The following ADSS1 variants were observed in gnomAD, a reference collection of about 807,000 sequenced individuals.
The protein encoded by ADSS1 is adenylosuccinate synthetase isozyme 1.
A neutral mutation model predicts 59.1 loss-of-function variants in ADSS1; 57 were observed. The ratio of observed to expected loss-of-function variants is 0.97; its 90% CI spans 0.78 to 1.20. The LOEUF (loss-of-function observed/expected upper bound fraction) is 1.20, where lower values mean the gene tolerates loss of function less well. ADSS1 is among the 50% of genes most tolerant of loss of function. ADSS1 has a pLI of 0.00. For synonymous variants in ADSS1, 247 were observed against 249.4 expected (o/e 0.99, Z 0.09); for missense variants, 603 against 610.3 (o/e 0.99, Z 0.13).
chr14:104,734,537 G>A (rs1321793930), intron 1 of ADSS1, among the ~76,000 whole-genome samples: 2 of 152,262 alleles, frequency 1.3e-5, no homozygotes. Flanking sequence ...GCCTGTGGCT[G>A]GGTGTTTCCC....
rs1419299401 is a variant in ADSS1 at position 104,724,506 on chromosome 14, C to T, written c.192+44C>T. 10 of 1,133,224 alleles carry T rather than the reference C, an allele frequency of 8.8e-6. No individual in the cohort carries two copies. The Admixed American group carries it at 2.8e-4, about 31-fold the overall frequency. 70.2% of individuals were successfully genotyped at this position (1,133,224 alleles called of 1,614,324 possible). Reference sequence around the variant, plus strand: ...GGTCCCTCCCCCACCGCCCAGCGAGCCCCCCTCCCCCGACCCAGACGGCCC... The same window carrying T: ...GGTCCCTCCCCCACCGCCCAGCGAGTCCCCCTCCCCCGACCCAGACGGCCC... On this transcript the variant is annotated intron_variant, in intron 1 of 12. Coordinates refer to ENST00000330877, the MANE Select transcript of ADSS1 (RefSeq NM_152328.5).
intron 12 of ADSS1, 29 bp from the exon 13 acceptor site, chr14:104,746,922 T>C: frequency 6.2e-7 from 1 of 1,613,124 alleles, no homozygotes; most frequent in Non-Finnish European, 8.5e-7. Flanking sequence ...CTCCAGTGTG[T>C]ATCATAACAG....
chr14:104,739,424 C>T (rs193181422), intron 4 of ADSS1, 46 bp downstream of exon 4: 2 of 1,572,506 alleles, frequency 1.3e-6, no homozygotes. Context: ...CCTGCCCCCA[C>T]CATTGCCAGC....
At position 104,738,359 on chromosome 14, in the gene ADSS1, CTCTGTCTCTCATGCA is replaced by C; in HGVS notation, c.296-16_296-2del. ...TGGGACACAACTCTGTCTCTCATGC[CTCTGTCTCTCATGCA>C]GGCAACGGGGTGGTCATCCACTTGC... On this transcript the variant is annotated splice_acceptor_variant and splice_polypyrimidine_tract_variant and intron_variant, in intron 2 of 12. Coordinates refer to ENST00000330877, the MANE Select transcript of ADSS1 (RefSeq NM_152328.5). LOFTEE classifies it high-confidence loss of function. The C allele has an allele frequency of 6.2e-7, 1 of 1,613,622 alleles. No homozygotes were observed. Among genetic ancestry groups the C allele is most frequent in the Non-Finnish European group, 8.5e-7 (1 of 1,179,656 alleles).
At chr14:104,733,501 G>A (rs1363426826) in intron 1 of ADSS1, among the ~76,000 whole-genome samples, 1 of 152,236 alleles carries the variant, frequency 6.6e-6, no homozygotes, top group Non-Finnish European at 1.5e-5. Flanking sequence ...TGCATCGTGA[G>A]GAGCTAGTGC....
chr14:104,743,169 C>T lies in ADSS1; in HGVS notation c.1051C>T (p.His351Tyr), dbSNP rs776691292. The T allele has an allele frequency of 6.2e-6, 10 of 1,611,894 alleles. No homozygotes were observed. Among genetic ancestry groups the T allele is most frequent in the East Asian group, 2.2e-5 (1 of 44,888 alleles). Residue 351 changes from histidine to tyrosine, a missense_variant, in exon 10 of 13, where the codon CAC (histidine) becomes TAC (tyrosine). Transcript: ENST00000330877. Reference sequence around the variant, plus strand: ...CGACCTGATGATTCTAAGATATGCTCACATGGTCAACGGATTCACTGCGTA... The same window carrying T: ...CGACCTGATGATTCTAAGATATGCTTACATGGTCAACGGATTCACTGCGTA... The part of the protein sequence containing the change: ...WLDLMILRYA[H>Y]MVNGFTALAL...
Position 104,733,420 on chromosome 14 carries a change from GC to G in ADSS1, c.193-1593del, listed in dbSNP as rs568124815. Among the ~76,000 whole-genome samples, 29 of 152,244 alleles carry G rather than the reference GC, an allele frequency of 1.9e-4. No individual in the cohort carries two copies. The South Asian group carries it at 5.4e-3, about 28-fold the overall frequency. On this transcript the variant is annotated intron_variant, in intron 1 of 12. Coordinates refer to ENST00000330877, the MANE Select transcript of ADSS1 (RefSeq NM_152328.5). ...CCCCCTGCCTGGCATCTCTGGATCT[GC>G]CCCCCCTCTGTCCCCAGGGTTGCCC...
chr14:104,731,558 G>A (rs1300378767), intron 1 of ADSS1, among the ~76,000 whole-genome samples: 1 of 152,234 alleles, frequency 6.6e-6, no homozygotes, highest in Non-Finnish European at 1.5e-5. Context: ...GGATGGATGT[G>A]CCCATGGCCT....
intron 10 of ADSS1, 66 bp from the exon 11 acceptor site, chr14:104,744,746 A>C: frequency 6.6e-7 from 1 of 1,506,096 alleles, no homozygotes; most frequent in South Asian, 1.1e-5. Flanking sequence ...GGTCAAAAGC[A>C]AGCGGAAGAA....
In ADSS1 at chr14:104,734,924, C is replaced by T. The variant is rs1891060846; in HGVS notation, c.193-96C>T. 2.9e-6 allele frequency: 3 copies of T among 1,026,516 alleles called. No individual in the cohort carries two copies. In the South Asian group the frequency reaches 4.3e-5, roughly 15 times the overall value. The allele number at this position is 1,026,516 out of a possible 1,614,324, so 63.6% of individuals were successfully genotyped here. On this transcript the variant is annotated intron_variant, in intron 1 of 12. Transcript: ENST00000330877. ...GACACCCCAAAATCCAACAGCAGTG[C>T]CCTGCAGGGACAGACGAAGCCCCAT...
In ADSS1 at chr14:104,743,172, A is replaced by G. The variant is rs759674422; in HGVS notation, c.1054A>G (p.Met352Val). 2.4e-5 allele frequency: 39 copies of G among 1,611,618 alleles called. No homozygotes were observed. The highest frequency in any genetic ancestry group is 6.7e-5 in the Admixed American group (4 of 60,004). ...LDLMILRYAH[M>V]VNGFTALALT... Reference sequence around the variant, plus strand: ...CCTGATGATTCTAAGATATGCTCACATGGTCAACGGATTCACTGCGTAAGC... The same window carrying G: ...CCTGATGATTCTAAGATATGCTCACGTGGTCAACGGATTCACTGCGTAAGC... The change falls in exon 10 of 13, where the codon ATG becomes GTG. Residue 352 changes from methionine (M) to valine (V), a missense_variant. By Grantham distance (21) the Met-to-Val change is conservative. Transcript: ENST00000330877.
chr14:104,733,926 G>A (rs549810186), intron 1 of ADSS1, among the ~76,000 whole-genome samples: 1 of 152,238 alleles, frequency 6.6e-6, no homozygotes, highest in Non-Finnish European at 1.5e-5. Context: ...CAGAAGTGGG[G>A]CTGGAGACCT....
At chr14:104,730,290 T>A in intron 1 of ADSS1, 1 of 1,377,784 alleles carries the variant, frequency 7.3e-7, no homozygotes, top group East Asian at 2.6e-5. Flanking sequence ...GGTCAGGAGT[T>A]CAAGACCAGC....
At chr14:104,739,932 G>A in intron 5 of ADSS1, 116 bp downstream of exon 5, 4 of 1,124,098 alleles carry the variant, frequency 3.6e-6, no homozygotes, top group Non-Finnish European at 3.9e-6. Flanking sequence ...CCCACTCAAA[G>A]CCCCTGGAGA....
intron 3 of ADSS1, 87 bp from the exon 4 acceptor site, chr14:104,739,241 G>A (rs961506685): frequency 2.2e-5 from 31 of 1,433,368 alleles, no homozygotes; most frequent in South Asian, 3.7e-5. Context: ...GATGGGAGCC[G>A]GGCGAGCTAG....
chr14:104,727,164 C>T (rs1890739582), intron 1 of ADSS1, among the ~76,000 whole-genome samples: 1 of 152,186 alleles, frequency 6.6e-6, no homozygotes, highest in South Asian at 2.1e-4. Flanking sequence ...TTTCCCATCC[C>T]GGTGGTTTGG....
At chr14:104,731,392 G>A (rs1055066886) in intron 1 of ADSS1, among the ~76,000 whole-genome samples, 2 of 152,238 alleles carry the variant, frequency 1.3e-5, no homozygotes, top group African/African-American at 4.8e-5. Context: ...GTCCATGGCA[G>A]CTCACAGCAT....
intron 1 of ADSS1, among the ~76,000 whole-genome samples, chr14:104,729,529 G>GGCGTTGGGGGAGGAGCGTGGCGTCT (rs1205056446): frequency 1.0e-4 from 13 of 124,328 alleles, no homozygotes; most frequent in African/African-American, 4.9e-4. Flanking sequence ...GCGTGGCGTC[G>GGCGTTGGGGGAGGAGCGTGGCGTCT]GCGTCGTGGG....
chr14:104,725,602 T>TC (rs1009698870), intron 1 of ADSS1, among the ~76,000 whole-genome samples: 1 of 152,102 alleles, frequency 6.6e-6, no homozygotes, highest in Non-Finnish European at 1.5e-5. Flanking sequence ...CCCCTTGCTC[T>TC]CCGTCCTAAG....
Sources: allele counts gnomAD v4.1 joint callset (sites outside exome capture counted in the v4.1 genomes callset), GRCh38; gene constraint gnomAD v4.1.1; transcripts MANE v1.5; gene names NCBI Gene and HGNC (gene_info 2026-07-23, HGNC 2026-07-21).